The following GRIP1 variants were observed in gnomAD, a reference collection of about 807,000 sequenced individuals.
The protein encoded by GRIP1 is glutamate receptor-interacting protein 1.
In GRIP1, 45 loss-of-function variants were observed where a neutral mutation model predicts 129.9. That is an observed-to-expected ratio of 0.35 (90% CI 0.27 to 0.44). GRIP1 has a LOEUF of 0.44. Among genes scored for constraint, GRIP1 ranks in the 20% least tolerant of loss-of-function variants. The pLI, the probability that GRIP1 is intolerant of heterozygous loss-of-function variation, is 1.00. For synonymous variants in GRIP1, 530 were observed against 520.8 expected (o/e 1.02, Z -0.24); for missense variants, 1,196 against 1,396.8 (o/e 0.86, Z 2.29).
At chr12:66,552,739 C>T (rs1052718741) in intron 2 of GRIP1, among the ~76,000 whole-genome samples, 1 of 152,178 alleles carries the variant, frequency 6.6e-6, no homozygotes, top group Non-Finnish European at 1.5e-5. Context: ...GTAAATCAGT[C>T]CTCATTTTGT....
chr12:66,565,888 T>C (rs1592562362), intron 2 of GRIP1, among the ~76,000 whole-genome samples: 1 of 152,198 alleles, frequency 6.6e-6, no homozygotes, highest in South Asian at 2.1e-4. Flanking sequence ...TTTGAAACAA[T>C]TGTGAATGGG....
At chr12:66,649,738 G>T (rs894865778) in intron 1 of GRIP1, among the ~76,000 whole-genome samples, 1 of 152,192 alleles carries the variant, frequency 6.6e-6, no homozygotes, top group Non-Finnish European at 1.5e-5. Context: ...ACATGAAAAA[G>T]ACGTAGGTTT....
chr12:66,374,774 A>G (rs2055705307), intron 22 of GRIP1, among the ~76,000 whole-genome samples: 1 of 152,196 alleles, frequency 6.6e-6, no homozygotes, highest in Non-Finnish European at 1.5e-5. Flanking sequence ...ACTATCACTA[A>G]TTCTTTGGTT....
intron 1 of GRIP1, among the ~76,000 whole-genome samples, chr12:66,753,512 A>G (rs964731383): frequency 6.6e-6 from 1 of 152,164 alleles, no homozygotes; most frequent in Non-Finnish European, 1.5e-5. Context: ...TAAATCACCT[A>G]TGATGTTATG....
intron 1 of GRIP1, among the ~76,000 whole-genome samples, chr12:67,030,690 G>C (rs941610889): frequency 1.3e-5 from 2 of 152,228 alleles, no homozygotes; most frequent in East Asian, 3.9e-4. Flanking sequence ...GCTTCTAACT[G>C]TGAAAAAGTG....
rs2037871985 is a variant in GRIP1, at chr12:66,773,123, T to C, written c.-420+30930A>G. Among the ~76,000 whole-genome samples, 3 of 152,250 alleles carry C rather than the reference T, an allele frequency of 2.0e-5. No individual in the cohort carries two copies. In the South Asian group the frequency reaches 6.2e-4, roughly 32 times the overall value. On this transcript the variant is annotated intron_variant, in intron 1 of 4. Coordinates refer to the GRIP1 transcript ENST00000538373. ...AGGGAGGCAGAGCTGAGAAATGACA[T>C]TTTCGTAGTTACTGAGGTCCGCATT...
At position 67,031,565 on chromosome 12, in the gene GRIP1, T is replaced by G. The variant is rs549750151; in HGVS notation, c.58+37485A>C. On this transcript the variant is annotated intron_variant, in intron 1 of 1. Transcript: ENST00000643019. ...CCAAATCTCAGGGGCTTTCTCCACCTCTTTATTACATGGATAATTTACCGC... is the reference window on the plus strand; with the variant it reads ...CCAAATCTCAGGGGCTTTCTCCACCGCTTTATTACATGGATAATTTACCGC... Among the ~76,000 whole-genome samples, 15 of 152,236 alleles carry G rather than the reference T, an allele frequency of 9.9e-5. No individual in the cohort carries two copies. In the East Asian group the frequency reaches 2.7e-3, roughly 27 times the overall value.
intron 16 of GRIP1, among the ~76,000 whole-genome samples, chr12:66,396,500 G>A (rs1345090912): frequency 2.6e-5 from 4 of 152,130 alleles, no homozygotes; most frequent in African/African-American, 4.8e-5. Flanking sequence ...AACTTGAGAC[G>A]CAAAGATGAC....
chr12:67,064,657 C>T (rs2135900238), intron 1 of GRIP1, among the ~76,000 whole-genome samples: 1 of 152,236 alleles, frequency 6.6e-6, no homozygotes, highest in African/African-American at 2.4e-5. Context: ...GGTGGGGTCA[C>T]CAGATCTCCT....
chr12:66,571,540 A>G (rs2062960329), intron 2 of GRIP1, among the ~76,000 whole-genome samples: 1 of 152,090 alleles, frequency 6.6e-6, no homozygotes, highest in Non-Finnish European at 1.5e-5. Context: ...TGAATATAAT[A>G]CCCACTCTTG....
intron 1 of GRIP1, among the ~76,000 whole-genome samples, chr12:66,992,208 T>C (rs573835616): frequency 3.3e-5 from 5 of 152,156 alleles, no homozygotes; most frequent in African/African-American, 4.8e-5. Context: ...CCTCTAAAAC[T>C]GTGAATTTAT....
chr12:66,394,758 C>T (rs1419714946), intron 16 of GRIP1, among the ~76,000 whole-genome samples: 1 of 152,192 alleles, frequency 6.6e-6, no homozygotes, highest in African/African-American at 2.4e-5. Flanking sequence ...AGAAGACAGA[C>T]ATTGGGTCAC....
intron 2 of GRIP1, chr12:66,564,229 A>C: frequency 6.7e-6 from 1 of 149,218 alleles, no homozygotes. Context: ...TGCACCCATT[A>C]ACTCATCATT....
intron 1 of GRIP1, among the ~76,000 whole-genome samples, chr12:66,673,934 G>T (rs149301957): frequency 6.6e-6 from 1 of 152,294 alleles, no homozygotes; most frequent in Non-Finnish European, 1.5e-5. Flanking sequence ...TGATAGGCTA[G>T]AAAGATAAAT....
At chr12:66,738,217 C>CT (rs141675411) in intron 1 of GRIP1, among the ~76,000 whole-genome samples, 7,172 of 148,224 alleles carry the variant, frequency 0.048, 430 homozygotes, top group African/African-American at 0.14. Flanking sequence ...TTCTCTTTTT[C>CT]TTTTTTTTTT....
chr12:66,450,762 A>G (rs1592347723), intron 11 of GRIP1, among the ~76,000 whole-genome samples: 1 of 152,316 alleles, frequency 6.6e-6, no homozygotes, highest in South Asian at 2.1e-4. Context: ...TTAGTTACAC[A>G]TATAAAAGTT....
intron 7 of GRIP1, among the ~76,000 whole-genome samples, chr12:66,504,462 G>A (rs2060473542): frequency 6.6e-6 from 1 of 152,036 alleles, no homozygotes; most frequent in Admixed American, 6.6e-5. Context: ...ATCTCACTTG[G>A]GTCTCTAAGT....
intron 1 of GRIP1, among the ~76,000 whole-genome samples, chr12:66,825,010 T>C (rs575472667): frequency 2.0e-5 from 3 of 152,242 alleles, no homozygotes; most frequent in African/African-American, 7.2e-5. Context: ...TTTTGACATG[T>C]TTATAGTACC....
At chr12:67,000,077 C>T (rs904244947) in intron 1 of GRIP1, among the ~76,000 whole-genome samples, 2 of 152,254 alleles carry the variant, frequency 1.3e-5, no homozygotes, top group South Asian at 2.1e-4. Flanking sequence ...TTCTGTCAGG[C>T]ATTACTCTTT....
Sources: allele counts gnomAD v4.1 joint callset (sites outside exome capture counted in the v4.1 genomes callset), GRCh38; gene constraint gnomAD v4.1.1; transcripts MANE v1.5; gene names NCBI Gene and HGNC (gene_info 2026-07-23, HGNC 2026-07-21).